Variants in GRM8 observed in about 807,000 individuals in gnomAD.
The protein encoded by GRM8 is glutamate metabotropic receptor 8.
GRM8 carries 47 observed loss-of-function variants against 87.2 expected under a neutral mutation model. The ratio of observed to expected loss-of-function variants is 0.54; its 90% CI spans 0.43 to 0.69. The LOEUF is 0.69. GRM8 is among the 30% of genes least tolerant of loss of function. The probability of loss-of-function intolerance (pLI) is 0.00; values close to 1 mark genes in which losing one functional copy is unlikely to be tolerated. For missense variants in GRM8, 1,019 were observed against 1,139.2 expected, an observed-to-expected ratio of 0.89 and a Z score of 1.52; for synonymous variants, 396 against 404.5, an observed-to-expected ratio of 0.98 and a Z score of 0.25.
At chr7:126,668,016 G>A (rs1805966323) in intron 7 of GRM8, among the ~76,000 whole-genome samples, 1 of 152,158 alleles carries the variant, frequency 6.6e-6, no homozygotes, top group Non-Finnish European at 1.5e-5. Flanking sequence ...ACAGCGAAGG[G>A]GTGCCTGGAG....
intron 8 of GRM8, among the ~76,000 whole-genome samples, chr7:126,601,588 C>T (rs1409224729): frequency 2.0e-5 from 3 of 149,142 alleles, no homozygotes; most frequent in Admixed American, 1.3e-4. Context: ...TCCTCTCCAG[C>T]ACCTGTTGTT....
intron 6 of GRM8, chr7:126,869,024 C>T (rs1378603555): frequency 6.6e-6 from 1 of 152,190 alleles, no homozygotes; most frequent in Non-Finnish European, 1.5e-5. Flanking sequence ...TCAAATCTTG[C>T]CACTGCTTTA....
At chr7:127,179,965 C>A (rs149180595) in intron 2 of GRM8, among the ~76,000 whole-genome samples, 6 of 151,830 alleles carry the variant, frequency 4.0e-5, no homozygotes, top group African/African-American at 1.5e-4. Context: ...GCAAACCAAA[C>A]CCAAACCCAG....
At chr7:126,986,127 C>T (rs1236941268) in intron 3 of GRM8, among the ~76,000 whole-genome samples, 1 of 152,044 alleles carries the variant, frequency 6.6e-6, no homozygotes, top group Non-Finnish European at 1.5e-5. Flanking sequence ...GATCCTTCCA[C>T]CTCAACTTCC....
intron 9 of GRM8, among the ~76,000 whole-genome samples, chr7:126,451,177 C>A (rs1802575485): frequency 6.6e-6 from 1 of 151,768 alleles, no homozygotes; most frequent in African/African-American, 2.4e-5. Flanking sequence ...TTGGGTCACT[C>A]CCTTCGGTGC....
intron 7 of GRM8, among the ~76,000 whole-genome samples, chr7:126,758,682 T>C (rs537218237): frequency 5.9e-5 from 9 of 152,320 alleles, no homozygotes; most frequent in Non-Finnish European, 1.0e-4. Context: ...TTAAATACCA[T>C]AAATACATAC....
intron 10 of GRM8, among the ~76,000 whole-genome samples, chr7:126,441,743 T>C (rs1801485841): frequency 6.6e-6 from 1 of 152,080 alleles, no homozygotes; most frequent in Non-Finnish European, 1.5e-5. Context: ...GACAAGTTCT[T>C]ACCAGAGACC....
chr7:126,729,504 T>C (rs1013178008), intron 7 of GRM8, among the ~76,000 whole-genome samples: 16 of 152,162 alleles, frequency 1.1e-4, no homozygotes, highest in African/African-American at 3.9e-4. Context: ...CCGTGTAATA[T>C]ATTTCTTCTC....
At chr7:126,510,422 T>C (rs1020040936) in intron 9 of GRM8, among the ~76,000 whole-genome samples, 1 of 152,054 alleles carries the variant, frequency 6.6e-6, no homozygotes, top group African/African-American at 2.4e-5. Flanking sequence ...AGAACTGACC[T>C]GTGCTAGTCC....
intron 7 of GRM8, among the ~76,000 whole-genome samples, chr7:126,652,278 G>A (rs962505248): frequency 1.8e-4 from 28 of 152,244 alleles, no homozygotes; most frequent in African/African-American, 4.6e-4. Flanking sequence ...ATTATGTTAC[G>A]TGTAATTATG....
intron 3 of GRM8, among the ~76,000 whole-genome samples, chr7:127,022,953 T>C (rs959447036): frequency 2.6e-5 from 4 of 152,096 alleles, no homozygotes; most frequent in East Asian, 1.9e-4. Flanking sequence ...AGATGCTCAA[T>C]TGACGGTAGT....
chr7:127,000,315 A>G (rs190561182), intron 3 of GRM8, among the ~76,000 whole-genome samples: 2 of 151,810 alleles, frequency 1.3e-5, no homozygotes, highest in Admixed American at 6.6e-5. Flanking sequence ...GAAACAATGA[A>G]TAAGACCTAG....
At chr7:127,237,631 A>G (rs1478045052) in intron 2 of GRM8, among the ~76,000 whole-genome samples, 1 of 152,242 alleles carries the variant, frequency 6.6e-6, no homozygotes, top group Non-Finnish European at 1.5e-5. Flanking sequence ...GGGTGAAATT[A>G]TCTAGCCCAC....
At chr7:126,933,874 G>C (rs1806016460) in intron 3 of GRM8, among the ~76,000 whole-genome samples, 1 of 152,138 alleles carries the variant, frequency 6.6e-6, no homozygotes, top group East Asian at 1.9e-4. Flanking sequence ...ACAATGTTTG[G>C]GAAGTAGCAG....
chr7:126,573,309 AAAAC>A (rs1392169113), intron 8 of GRM8, among the ~76,000 whole-genome samples: 9 of 152,222 alleles, frequency 5.9e-5, no homozygotes, highest in South Asian at 2.1e-4. Flanking sequence ...AGTGTGGCTC[AAAAC>A]AAACAAACAA....
chr7:127,044,185 G>C (rs1818709677), intron 3 of GRM8, among the ~76,000 whole-genome samples: 1 of 152,130 alleles, frequency 6.6e-6, no homozygotes, highest in African/African-American at 2.4e-5. Flanking sequence ...GTATCTGAGA[G>C]GAAGCTACTG....
At chr7:126,458,277 G>T (rs1015100728) in intron 9 of GRM8, among the ~76,000 whole-genome samples, 2 of 151,218 alleles carry the variant, frequency 1.3e-5, no homozygotes, top group Non-Finnish European at 3.0e-5. Context: ...TATCAGGTTT[G>T]ATTTTAAATT....
chr7:126,678,163 T>C (rs1807186453), intron 7 of GRM8, among the ~76,000 whole-genome samples: 1 of 152,234 alleles, frequency 6.6e-6, no homozygotes. Flanking sequence ...TTATATTTAG[T>C]ACTGGAGTTT....
intron 8 of GRM8, among the ~76,000 whole-genome samples, chr7:126,564,540 T>C (rs1388433681): frequency 6.6e-6 from 1 of 152,044 alleles, no homozygotes; most frequent in Non-Finnish European, 1.5e-5. Flanking sequence ...CATTAAGAAA[T>C]ATGAAGTCTG....
Sources: gnomAD v4.1 joint callset for allele counts (sites outside exome capture counted in the v4.1 genomes callset) on GRCh38, gnomAD v4.1.1 for gene constraint, MANE v1.5 for transcripts, NCBI Gene and HGNC (gene_info 2026-07-23, HGNC 2026-07-21) for gene names.